Variants in SLC9A9 observed in about 807,000 individuals in gnomAD.
SLC9A9 encodes sodium/hydrogen exchanger 9.
SLC9A9 carries 62 observed loss-of-function variants against 77.8 expected under a neutral mutation model. The observed-to-expected ratio is 0.80, with a 90% CI of 0.65 to 0.98. The LOEUF (loss-of-function observed/expected upper bound fraction) is 0.98. Ranked by LOEUF, SLC9A9 falls within the 50% of genes least tolerant of loss-of-function variation. SLC9A9 has a pLI of 0.00. For missense variants in SLC9A9, 775 were observed against 774.9 expected (o/e 1.00, Z 0.00); for synonymous variants, 320 against 283.5 (o/e 1.13, Z -1.29).
chr3:143,548,826 C>T (rs774010078), intron 9 of SLC9A9, among the ~76,000 whole-genome samples: 12 of 152,156 alleles, frequency 7.9e-5, no homozygotes, highest in Non-Finnish European at 7.4e-5. Flanking sequence ...ATAAAGAATG[C>T]ATAATTCTCT....
intron 14 of SLC9A9, among the ~76,000 whole-genome samples, chr3:143,282,824 T>G (rs1160024115): frequency 2.0e-5 from 3 of 152,208 alleles, no homozygotes. Context: ...ACACCACTAT[T>G]TTCATTAATC....
intron 13 of SLC9A9, among the ~76,000 whole-genome samples, chr3:143,364,494 T>C (rs1438913374): frequency 6.6e-6 from 1 of 152,188 alleles, no homozygotes; most frequent in African/African-American, 2.4e-5. Context: ...GAGGATGTAA[T>C]GACCCACGGA....
intron 9 of SLC9A9, among the ~76,000 whole-genome samples, chr3:143,534,020 G>T (rs976039741): frequency 6.6e-6 from 1 of 152,076 alleles, no homozygotes; most frequent in Non-Finnish European, 1.5e-5. Flanking sequence ...TAAAAAGTGG[G>T]TATAATAATC....
intron 4 of SLC9A9, among the ~76,000 whole-genome samples, chr3:143,745,595 T>C (rs17591646): frequency 0.064 from 9,785 of 152,288 alleles, 355 homozygotes; most frequent in Middle Eastern, 0.075. Flanking sequence ...GCCAGTGATG[T>C]CAATGCCTAG....
intron 12 of SLC9A9, among the ~76,000 whole-genome samples, chr3:143,463,627 A>G (rs1199646829): frequency 2.6e-5 from 4 of 152,232 alleles, no homozygotes; most frequent in South Asian, 2.1e-4. Context: ...TCAAGAAACC[A>G]TTCTACTTTA....
At chr3:143,841,754 C>T (rs114767421) in intron 1 of SLC9A9, among the ~76,000 whole-genome samples, 1 of 149,316 alleles carries the variant, frequency 6.7e-6, no homozygotes, top group Non-Finnish European at 1.5e-5. Flanking sequence ...TATAGAGGCT[C>T]TTTTCTTTAT....
intron 6 of SLC9A9, among the ~76,000 whole-genome samples, chr3:143,579,638 G>A (rs2037421075): frequency 6.6e-6 from 1 of 151,966 alleles, no homozygotes; most frequent in South Asian, 2.1e-4. Context: ...TTTTAATACA[G>A]GATTTTAAAA....
chr3:143,372,146 G>GC, intron 13 of SLC9A9: 1 of 208,064 alleles, frequency 4.8e-6, no homozygotes, highest in South Asian at 5.8e-5. Context: ...ACTGCCTAAA[G>GC]CAGTCTATAG....
intron 14 of SLC9A9, among the ~76,000 whole-genome samples, chr3:143,308,171 G>A (rs987540707): frequency 1.1e-4 from 17 of 152,190 alleles, no homozygotes; most frequent in Admixed American, 1.3e-4. Context: ...CCAAGAATGA[G>A]CAATTTAACT....
chr3:143,744,485 C>G (rs763460745), intron 4 of SLC9A9, among the ~76,000 whole-genome samples: 2 of 152,194 alleles, frequency 1.3e-5, no homozygotes, highest in African/African-American at 2.4e-5. Context: ...AAAACCACTT[C>G]AGGGCTGAAA....
At position 143,652,373 on chromosome 3, in the gene SLC9A9, A is replaced by G; in HGVS notation, c.650-13T>C. 6.2e-7 allele frequency: 1 copy of G among 1,605,508 alleles called. No homozygotes were observed. Among genetic ancestry groups the G allele is most frequent in the Non-Finnish European group, 8.5e-7 (1 of 1,174,138 alleles). ...GCCAGCACTGTCACTAGGAAGACAC[A>G]CACAAACATGCAGGTTAGCTTGGAT... On this transcript the variant is annotated splice_polypyrimidine_tract_variant and intron_variant, in intron 5 of 15. Coordinates refer to ENST00000316549, the MANE Select transcript of SLC9A9 (RefSeq NM_173653.4).
intron 9 of SLC9A9, among the ~76,000 whole-genome samples, chr3:143,534,567 T>G (rs1402807609): frequency 6.6e-6 from 1 of 152,182 alleles, no homozygotes; most frequent in Non-Finnish European, 1.5e-5. Context: ...GGCAGACCAC[T>G]GGCTGATGTT....
At chr3:143,770,705 T>C (rs2007487046) in intron 4 of SLC9A9, among the ~76,000 whole-genome samples, 1 of 152,122 alleles carries the variant, frequency 6.6e-6, no homozygotes, top group South Asian at 2.1e-4. Flanking sequence ...GGCTCGATAA[T>C]GTCAGTTATA....
At chr3:143,803,230 T>TACTCTCC (rs1361990141) in intron 2 of SLC9A9, among the ~76,000 whole-genome samples, 5 of 152,288 alleles carry the variant, frequency 3.3e-5, no homozygotes, top group African/African-American at 1.2e-4. Flanking sequence ...AAGTCACAAG[T>TACTCTCC]ACTCTCCCCT....
At chr3:143,274,891 G>A (rs1420704244) in intron 14 of SLC9A9, among the ~76,000 whole-genome samples, 1 of 152,146 alleles carries the variant, frequency 6.6e-6, no homozygotes, top group Non-Finnish European at 1.5e-5. Flanking sequence ...ATAGATGGTT[G>A]TCATATATTT....
intron 14 of SLC9A9, among the ~76,000 whole-genome samples, chr3:143,303,877 C>T (rs1164262210): frequency 6.6e-6 from 1 of 152,168 alleles, no homozygotes; most frequent in East Asian, 1.9e-4. Flanking sequence ...GCCCTTGGTC[C>T]CCTAAAAAGA....
intron 12 of SLC9A9, among the ~76,000 whole-genome samples, chr3:143,462,811 G>T (rs2035217401): frequency 6.6e-6 from 1 of 152,160 alleles, no homozygotes; most frequent in South Asian, 2.1e-4. Flanking sequence ...GTAGATTGCA[G>T]GCATTGAGAA....
intron 5 of SLC9A9, among the ~76,000 whole-genome samples, chr3:143,673,393 T>C (rs1019267849): frequency 6.6e-6 from 1 of 152,130 alleles, no homozygotes; most frequent in Non-Finnish European, 1.5e-5. Context: ...CGACACGAAT[T>C]ACCTGCAATA....
In SLC9A9 at chr3:143,795,650, G is replaced by A. The variant is rs187997101; in HGVS notation, c.457-573C>T. On this transcript the variant is annotated intron_variant, in intron 3 of 15. Transcript: ENST00000316549. ...GGGAGGCTGAAGGAAGATTGTTTGA[G>A]TACAGGAGGTCGAAGCTGCTGTGAG... 2.4e-3 allele frequency among the ~76,000 whole-genome samples: 372 copies of A among 152,282 alleles called. 1 individual carries two copies. Among genetic ancestry groups the A allele is most frequent in the Non-Finnish European group, 4.3e-3 (295 of 68,018 alleles).
Sources: allele counts gnomAD v4.1 joint callset (sites outside exome capture counted in the v4.1 genomes callset), GRCh38; gene constraint gnomAD v4.1.1; transcripts MANE v1.5; gene names NCBI Gene and HGNC (gene_info 2026-07-23, HGNC 2026-07-21).